Variants in LGMN observed in about 807,000 individuals in gnomAD.
The protein encoded by LGMN is asparaginyl endopeptidase.
LGMN carries 36 observed loss-of-function variants against 56.8 expected under a neutral mutation model. The ratio of observed to expected loss-of-function variants is 0.63; its 90% CI spans 0.49 to 0.84. LGMN has a LOEUF of 0.84. Among genes scored for constraint, LGMN ranks in the 40% least tolerant of loss-of-function variants. The pLI, the probability that LGMN is intolerant of heterozygous loss-of-function variation, is 0.00. For synonymous variants in LGMN, 199 were observed against 210.1 expected (o/e 0.95, Z 0.46); for missense variants, 446 against 556.1 (o/e 0.80, Z 1.99).
chr14:92,709,524 G>A (rs1054201220), intron 11 of LGMN, 148 bp downstream of exon 11: 16 of 685,720 alleles, frequency 2.3e-5, no homozygotes, highest in Middle Eastern at 4.2e-4. Flanking sequence ...CCGCCCACCC[G>A]CTTCCGTTAC....
rs1397276250 is a variant in LGMN at position 92,719,233 on chromosome 14, ACCG to A, written c.139-392_139-390del. Among the ~76,000 whole-genome samples, 69 of 39,612 alleles carry A rather than the reference ACCG, an allele frequency of 1.7e-3. 1 individual carries two copies. Among genetic ancestry groups the A allele is most frequent in the African/African-American group, 9.5e-3 (55 of 5,804 alleles). The allele number at this position is 39,612 out of a possible 152,430, so 26.0% of individuals were successfully genotyped here. A position where few individuals can be genotyped will look rare whatever the true frequency, so the allele number is the denominator to read the frequency against. ...CACCGCCACCAACACCACCACCGCCACCGCCACCACCGCCACCACCACCACCGC... is the reference window on the plus strand; with the variant it reads ...CACCGCCACCAACACCACCACCGCCACCACCACCGCCACCACCACCACCGC... On this transcript the variant is annotated intron_variant, in intron 2 of 13. Transcript: ENST00000334869.
chr14:92,739,743 G>T (rs1233506453), intron 1 of LGMN, among the ~76,000 whole-genome samples: 1 of 152,142 alleles, frequency 6.6e-6, no homozygotes, highest in African/African-American at 2.4e-5. Context: ...GCAAACCACT[G>T]GAAGCAACAT....
intron 2 of LGMN, among the ~76,000 whole-genome samples, chr14:92,730,054 A>G (rs1453317651): frequency 6.6e-6 from 1 of 152,264 alleles, no homozygotes; most frequent in African/African-American, 2.4e-5. Flanking sequence ...TTTAATAAAT[A>G]CATTTTCTTA....
chr14:92,729,614 G>A (rs1446858866), intron 2 of LGMN, among the ~76,000 whole-genome samples: 1 of 152,136 alleles, frequency 6.6e-6, no homozygotes, highest in African/African-American at 2.4e-5. Flanking sequence ...TGCCTGGTGT[G>A]CCACTCTTCC....
intron 1 of LGMN, among the ~76,000 whole-genome samples, chr14:92,742,249 A>G (rs1042673929): frequency 4.3e-5 from 6 of 140,016 alleles, no homozygotes; most frequent in African/African-American, 1.6e-4. Context: ...TCTCTCTCCT[A>G]TTGCAGTAGC....
chr14:92,733,148 CAAA>C (rs11343138), intron 1 of LGMN, among the ~76,000 whole-genome samples: 29 of 103,600 alleles, frequency 2.8e-4, no homozygotes, highest in Middle Eastern at 5.0e-3. Flanking sequence ...ACTCTGTCTC[CAAA>C]AAAAAAAAAA....
intron 2 of LGMN, among the ~76,000 whole-genome samples, chr14:92,724,974 G>A (rs1234742203): frequency 1.3e-5 from 2 of 152,206 alleles, no homozygotes; most frequent in Non-Finnish European, 2.9e-5. Context: ...CATCAGGCTG[G>A]GGTTTTGCAG....
chr14:92,704,610 C>A lies in LGMN; in HGVS notation c.1259+30G>T, dbSNP rs371287208. 11 of 1,577,678 alleles carry A rather than the reference C, an allele frequency of 7.0e-6. No individual in the cohort carries two copies. The East Asian group carries it at 2.2e-4, about 32-fold the overall frequency. On this transcript the variant is annotated intron_variant, in intron 13 of 13. Transcript: ENST00000334869. ...CCTTCTGCTTTCAGAATGACATCGA[C>A]CTTTCAAGCGTCACCGCTGCATTAG...
intron 2 of LGMN, among the ~76,000 whole-genome samples, chr14:92,726,756 T>C (rs979318892): frequency 2.6e-5 from 4 of 152,186 alleles, no homozygotes; most frequent in Admixed American, 2.0e-4. Flanking sequence ...TGTCCTTGCA[T>C]GCCCTGTGGC....
At chr14:92,707,829 A>G (rs1365277404) in intron 11 of LGMN, among the ~76,000 whole-genome samples, 1 of 152,196 alleles carries the variant, frequency 6.6e-6, no homozygotes, top group East Asian at 1.9e-4. Context: ...GAAGTCCTAT[A>G]TGATTTACAC....
intron 1 of LGMN, among the ~76,000 whole-genome samples, chr14:92,734,785 A>G (rs1362812944): frequency 2.6e-5 from 4 of 152,258 alleles, no homozygotes; most frequent in African/African-American, 9.6e-5. Context: ...AAAAATATAT[A>G]GTCACTGAGA....
chr14:92,738,346 T>C (rs1891395719), intron 1 of LGMN, among the ~76,000 whole-genome samples: 1 of 151,836 alleles, frequency 6.6e-6, no homozygotes, highest in Non-Finnish European at 1.5e-5. Flanking sequence ...TGGCGCTATC[T>C]CGGCTCACTG....
chr14:92,740,298 G>GGAGTGGCACA (rs1325688234), intron 1 of LGMN, among the ~76,000 whole-genome samples: 1 of 152,142 alleles, frequency 6.6e-6, no homozygotes, highest in Non-Finnish European at 1.5e-5. Flanking sequence ...GATGTGTTGC[G>GGAGTGGCACA]GAGTGGCACA....
intron 2 of LGMN, among the ~76,000 whole-genome samples, chr14:92,727,429 CA>C (rs35889328): frequency 0.021 from 1,007 of 48,002 alleles, 3 homozygotes; most frequent in African/African-American, 0.059. Flanking sequence ...GACTGCCTCA[CA>C]AAAAAAAAAA....
chr14:92,743,378 C>T (rs1183186350), intron 1 of LGMN, among the ~76,000 whole-genome samples: 1 of 152,048 alleles, frequency 6.6e-6, no homozygotes, highest in Non-Finnish European at 1.5e-5. Flanking sequence ...TGGCGGGCAC[C>T]GATAGTCCCA....
intron 1 of LGMN, among the ~76,000 whole-genome samples, chr14:92,737,186 G>A (rs913209420): frequency 6.6e-6 from 1 of 152,144 alleles, no homozygotes; most frequent in South Asian, 2.1e-4. Flanking sequence ...CAGTCACCAA[G>A]TACTTGCATT....
intron 2 of LGMN, among the ~76,000 whole-genome samples, chr14:92,719,199 C>CACATATATAGGTAAGAAGGACCTCTGA (rs1566923813): frequency 1.4e-5 from 2 of 138,412 alleles, no homozygotes; most frequent in African/African-American, 6.0e-5. Context: ...CCACCGCCAC[C>CACATATATAGGTAAGAAGGACCTCTGA]AACACCACCA....
At chr14:92,741,830 T>G (rs1891569288) in intron 1 of LGMN, 1 of 152,228 alleles carries the variant, frequency 6.6e-6, no homozygotes, top group Non-Finnish European at 1.5e-5. Context: ...GCCACTGCAC[T>G]CCAGCCTGGG....
chr14:92,745,946 C>T (rs1219925323), intron 1 of LGMN, among the ~76,000 whole-genome samples: 4 of 152,052 alleles, frequency 2.6e-5, no homozygotes, highest in East Asian at 1.9e-4. Flanking sequence ...CTCAGCCTCC[C>T]GAGTAGCTGG....
Sources: gnomAD v4.1 joint callset for allele counts (sites outside exome capture counted in the v4.1 genomes callset) on GRCh38, gnomAD v4.1.1 for gene constraint, MANE v1.5 for transcripts, NCBI Gene and HGNC (gene_info 2026-07-23, HGNC 2026-07-21) for gene names.